Variants in VTI1A observed in about 807,000 individuals in gnomAD.
VTI1A encodes vesicle transport through interaction with t-SNAREs homolog 1A.
VTI1A carries 22 observed loss-of-function variants against 34.9 expected under a neutral mutation model. The observed-to-expected ratio is 0.63, with a 90% confidence interval of 0.45 to 0.90. The LOEUF (loss-of-function observed/expected upper bound fraction) is 0.90. Ranked by LOEUF, VTI1A falls within the 40% of genes least tolerant of loss-of-function variation. VTI1A has a pLI of 0.00. For synonymous variants in VTI1A, 87 were observed against 97.3 expected (o/e 0.89, Z 0.62); for missense variants, 268 against 275.6 (o/e 0.97, Z 0.20).
chr10:112,480,232 A>G (rs1848417330), intron 3 of VTI1A, among the ~76,000 whole-genome samples: 1 of 152,200 alleles, frequency 6.6e-6, no homozygotes, highest in South Asian at 2.1e-4. Flanking sequence ...ATGTCAAACT[A>G]AAGAACAAAT....
At chr10:112,573,346 TG>T (rs1362922146) in intron 5 of VTI1A, among the ~76,000 whole-genome samples, 1 of 152,194 alleles carries the variant, frequency 6.6e-6, no homozygotes, top group African/African-American at 2.4e-5. Flanking sequence ...CCCGTTTTCC[TG>T]TCTAGTACCC....
At chr10:112,739,017 A>G (rs1850596586) in intron 7 of VTI1A, among the ~76,000 whole-genome samples, 1 of 152,156 alleles carries the variant, frequency 6.6e-6, no homozygotes, top group African/African-American at 2.4e-5. Flanking sequence ...AGAGGCCATC[A>G]TGCTGCCAAT....
chr10:112,589,954 T>C (rs928234179), intron 5 of VTI1A, among the ~76,000 whole-genome samples: 1 of 152,226 alleles, frequency 6.6e-6, no homozygotes, highest in African/African-American at 2.4e-5. Flanking sequence ...TTTATAGTTT[T>C]CTTCCTTTTT....
At chr10:112,677,830 C>T (rs948980933) in intron 7 of VTI1A, 2 of 152,224 alleles carry the variant, frequency 1.3e-5, no homozygotes, top group Non-Finnish European at 2.9e-5. Flanking sequence ...TGAGGAGTTG[C>T]TATAGGACCA....
At chr10:112,606,270 C>A (rs146360433) in intron 5 of VTI1A, among the ~76,000 whole-genome samples, 1 of 152,032 alleles carries the variant, frequency 6.6e-6, no homozygotes, top group African/African-American at 2.4e-5. Flanking sequence ...GGTGATCCAC[C>A]GACTTCGGCC....
At chr10:112,624,444 A>T (rs1039594813) in intron 5 of VTI1A, among the ~76,000 whole-genome samples, 1 of 151,984 alleles carries the variant, frequency 6.6e-6, no homozygotes. Context: ...ATACATTTTC[A>T]TTTTTTATGT....
intron 1 of VTI1A, among the ~76,000 whole-genome samples, chr10:112,459,060 T>G (rs1315104686): frequency 6.6e-6 from 1 of 152,194 alleles, no homozygotes; most frequent in African/African-American, 2.4e-5. Flanking sequence ...CATTTCAAGC[T>G]TCATGACTTT....
At chr10:112,752,357 G>A (rs2133993905) in intron 7 of VTI1A, 4 of 985,220 alleles carry the variant, frequency 4.1e-6, no homozygotes, top group Admixed American at 6.1e-5. Flanking sequence ...TTCCAGGTTT[G>A]TGCTATTCTG....
chr10:112,646,944 A>C (rs1175336337), intron 5 of VTI1A, among the ~76,000 whole-genome samples: 2 of 152,166 alleles, frequency 1.3e-5, no homozygotes, highest in African/African-American at 4.8e-5. Context: ...AAGCTGCTAG[A>C]TGTTGGGACC....
chr10:112,826,272 C>T, the VTI1A span: 1 of 152,198 alleles, frequency 6.6e-6, no homozygotes, highest in African/African-American at 2.4e-5. Context: ...GGTGCCAGCT[C>T]TCAGCCTTGG....
chr10:112,608,069 G>A (rs4285802), intron 5 of VTI1A, among the ~76,000 whole-genome samples: 68,220 of 151,960 alleles, frequency 0.45, 16,277 homozygotes, highest in Non-Finnish European at 0.53. Flanking sequence ...AAGGGTGTCT[G>A]CTCCCAAAAG....
At chr10:112,527,053 C>G in intron 3 of VTI1A, 34 bp from the exon 4 acceptor site, 1 of 1,605,080 alleles carries the variant, frequency 6.2e-7, no homozygotes, top group Non-Finnish European at 8.5e-7. Flanking sequence ...TCTAACGTTC[C>G]TCTCACTCTC....
At chr10:112,760,275 G>A (rs1185018223) in intron 7 of VTI1A, among the ~76,000 whole-genome samples, 1 of 152,126 alleles carries the variant, frequency 6.6e-6, no homozygotes, top group Non-Finnish European at 1.5e-5. Context: ...TTGATAAAGT[G>A]TAATTTATAA....
intron 7 of VTI1A, among the ~76,000 whole-genome samples, chr10:112,673,142 C>T (rs1847908287): frequency 6.6e-6 from 1 of 151,926 alleles, no homozygotes; most frequent in Non-Finnish European, 1.5e-5. Context: ...CATGGTGAAA[C>T]CTCACCTCTA....
chr10:112,747,395 A>T (rs922982579), intron 7 of VTI1A, among the ~76,000 whole-genome samples: 17 of 152,344 alleles, frequency 1.1e-4, no homozygotes, highest in Admixed American at 2.6e-4. Flanking sequence ...CTAGGCTGTA[A>T]GGTATATCCT....
intron 5 of VTI1A, among the ~76,000 whole-genome samples, chr10:112,637,969 T>C (rs1373483321): frequency 6.6e-6 from 1 of 152,220 alleles, no homozygotes; most frequent in Non-Finnish European, 1.5e-5. Context: ...TATGCAAGCA[T>C]GTTGTTTGTT....
At chr10:112,818,856 T>G (rs1481884138), downstream of VTI1A, 1 of 174,434 alleles carries the variant, frequency 5.7e-6, no homozygotes, top group African/African-American at 2.4e-5. Context: ...CACTCCGAGC[T>G]CTGGGTACTG....
intron 7 of VTI1A, among the ~76,000 whole-genome samples, chr10:112,687,391 G>T (rs1355381663): frequency 6.6e-6 from 1 of 151,346 alleles, no homozygotes; most frequent in East Asian, 2.0e-4. Flanking sequence ...CCACCACCAC[G>T]CCCGGCTAAT....
intron 5 of VTI1A, among the ~76,000 whole-genome samples, chr10:112,591,863 G>A (rs531727479): frequency 6.6e-6 from 1 of 152,322 alleles, no homozygotes; most frequent in South Asian, 2.1e-4. Flanking sequence ...GAAGTTAGGA[G>A]ATTTCCTCAA....
Sources: allele counts gnomAD v4.1 joint callset (sites outside exome capture counted in the v4.1 genomes callset), GRCh38; gene constraint gnomAD v4.1.1; transcripts MANE v1.5; gene names NCBI Gene and HGNC (gene_info 2026-07-23, HGNC 2026-07-21).